The following ENTREP2 variants were observed in gnomAD, a reference collection of about 807,000 sequenced individuals.
The protein encoded by ENTREP2 is protein ENTREP2.
At chr15:29,167,413 C>T in the ENTREP2 span, among the ~76,000 whole-genome samples, 1 of 152,182 alleles carries the variant, frequency 6.6e-6, no homozygotes, top group African/African-American at 2.4e-5. Flanking sequence ...TCTTCACAAT[C>T]TATACATCTG....
the ENTREP2 span, among the ~76,000 whole-genome samples, chr15:29,342,273 A>G: frequency 1.3e-5 from 2 of 152,130 alleles, no homozygotes; most frequent in African/African-American, 4.8e-5. Flanking sequence ...AGGGAAAGGG[A>G]CTGCTGTGCG....
At chr15:29,469,177 T>C in the ENTREP2 span, among the ~76,000 whole-genome samples, 3 of 152,102 alleles carry the variant, frequency 2.0e-5, no homozygotes, top group East Asian at 5.8e-4. Flanking sequence ...TCCTGCAAGA[T>C]TCTGCTTCTT....
At chr15:29,660,475 T>G in the ENTREP2 span, among the ~76,000 whole-genome samples, 1 of 152,196 alleles carries the variant, frequency 6.6e-6, no homozygotes, top group Non-Finnish European at 1.5e-5. Context: ...AGAATAATTT[T>G]TTTTTCTTTA....
chr15:29,275,162 G>A, the ENTREP2 span, among the ~76,000 whole-genome samples: 6 of 152,120 alleles, frequency 3.9e-5, no homozygotes, highest in African/African-American at 1.4e-4. Context: ...ATTTTGGGCG[G>A]GCAGCATATT....
the ENTREP2 span, chr15:29,269,364 G>T: frequency 6.2e-7 from 1 of 1,614,060 alleles, no homozygotes; most frequent in African/African-American, 1.3e-5. Context: ...CCCCGATGAC[G>T]TGCTTCAGTA....
At chr15:29,632,214 C>T in the ENTREP2 span, among the ~76,000 whole-genome samples, 11 of 152,156 alleles carry the variant, frequency 7.2e-5, no homozygotes, top group Non-Finnish European at 1.5e-4. Flanking sequence ...CTTGAGTTCT[C>T]GAACCAGGCT....
At chr15:29,521,665 GC>G in the ENTREP2 span, among the ~76,000 whole-genome samples, 4 of 152,098 alleles carry the variant, frequency 2.6e-5, no homozygotes, top group African/African-American at 9.7e-5. Context: ...TGTCTCTGGG[GC>G]AGAAAAAGGG....
chr15:29,375,376 C>T, the ENTREP2 span: 1 of 152,238 alleles, frequency 6.6e-6, no homozygotes, highest in Non-Finnish European at 1.5e-5. Context: ...TGAATATTCA[C>T]AGGGCTTCCT....
chr15:29,486,039 G>A, the ENTREP2 span, among the ~76,000 whole-genome samples: 2 of 152,200 alleles, frequency 1.3e-5, no homozygotes, highest in African/African-American at 4.8e-5. Flanking sequence ...AAATCAGTAT[G>A]TTGAAGAGAT....
At chr15:29,657,483 CGGGGG>C in the ENTREP2 span, among the ~76,000 whole-genome samples, 1,948 of 69,502 alleles carry the variant, frequency 0.028, 162 homozygotes, top group African/African-American at 0.11. Flanking sequence ...GCTGGGGGGG[CGGGGG>C]GGGGGGGTGG....
the ENTREP2 span, among the ~76,000 whole-genome samples, chr15:29,368,478 G>A: frequency 2.0e-5 from 3 of 151,526 alleles, no homozygotes; most frequent in African/African-American, 4.9e-5. Context: ...TTATTTAAAC[G>A]TATTAAAAGA....
chr15:29,250,145 C>T, the ENTREP2 span, among the ~76,000 whole-genome samples: 1 of 152,140 alleles, frequency 6.6e-6, no homozygotes, highest in Admixed American at 6.5e-5. Context: ...GAAGCAAGGC[C>T]GAGAAACAGT....
chr15:29,297,241 C>CTTATT, the ENTREP2 span, among the ~76,000 whole-genome samples: 49 of 152,098 alleles, frequency 3.2e-4, no homozygotes, highest in Non-Finnish European at 1.0e-4. Context: ...TTTCAGACAA[C>CTTATT]CAAAATGACC....
the ENTREP2 span, among the ~76,000 whole-genome samples, chr15:29,570,917 G>GTGCCCGCGCCCA: frequency 1.4e-5 from 2 of 143,950 alleles, no homozygotes; most frequent in African/African-American, 5.1e-5. Context: ...GCCCCCGCCG[G>GTGCCCGCGCCCA]TGCCCGCGCC....
At chr15:29,627,166 C>CA in the ENTREP2 span, among the ~76,000 whole-genome samples, 5 of 152,204 alleles carry the variant, frequency 3.3e-5, no homozygotes, top group Admixed American at 3.3e-4. Flanking sequence ...GTTTTCGTTT[C>CA]ATGCAGCTAT....
At chr15:29,242,128 C>A in the ENTREP2 span, among the ~76,000 whole-genome samples, 1 of 152,180 alleles carries the variant, frequency 6.6e-6, no homozygotes, top group Non-Finnish European at 1.5e-5. Flanking sequence ...GGCTGGAGTG[C>A]AGTGGCACGA....
the ENTREP2 span, among the ~76,000 whole-genome samples, chr15:29,554,296 C>T: frequency 2.9e-5 from 4 of 136,594 alleles, no homozygotes; most frequent in African/African-American, 1.1e-4. Context: ...GCCTGGGCGA[C>T]AGAGCGAGAC....
At chr15:29,666,272 T>A in the ENTREP2 span, among the ~76,000 whole-genome samples, 2 of 152,106 alleles carry the variant, frequency 1.3e-5, no homozygotes, top group Non-Finnish European at 2.9e-5. Flanking sequence ...GCCACCTTCA[T>A]CCCAGCAGGG....
At chr15:29,602,649 T>A in the ENTREP2 span, among the ~76,000 whole-genome samples, 1 of 152,182 alleles carries the variant, frequency 6.6e-6, no homozygotes, top group Non-Finnish European at 1.5e-5. Context: ...GCAATTCTCA[T>A]GCCTCAGCCT....
Sources: allele counts gnomAD v4.1 joint callset (sites outside exome capture counted in the v4.1 genomes callset), GRCh38; gene constraint gnomAD v4.1.1; transcripts MANE v1.5; gene names NCBI Gene and HGNC (gene_info 2026-07-23, HGNC 2026-07-21).